Variants in TTC27 observed in about 807,000 individuals in gnomAD.
The protein encoded by TTC27 is tetratricopeptide repeat domain 27, also known as tetratricopeptide repeat protein 27.
A neutral mutation model predicts 115.9 loss-of-function variants in TTC27; 79 were observed. That is an observed-to-expected ratio of 0.68 (90% CI 0.57 to 0.82). The LOEUF is 0.82. Among genes scored for constraint, TTC27 ranks in the 40% least tolerant of loss-of-function variants. The pLI is 0.00. For synonymous variants in TTC27, 401 were observed against 356.0 expected (o/e 1.13, Z -1.42); for missense variants, 1,054 against 993.1 (o/e 1.06, Z -0.82).
intron 13 of TTC27, among the ~76,000 whole-genome samples, chr2:32,763,524 TA>T (rs1276263692): frequency 1.3e-5 from 2 of 152,188 alleles, no homozygotes; most frequent in Admixed American, 1.3e-4. Flanking sequence ...TGGAAAGGGT[TA>T]GGGGGAAAAA....
At chr2:32,715,174 T>C (rs1371974158) in intron 10 of TTC27, among the ~76,000 whole-genome samples, 1 of 152,204 alleles carries the variant, frequency 6.6e-6, no homozygotes, top group Admixed American at 6.5e-5. Flanking sequence ...TAGTACTTTC[T>C]AGGTTATCTT....
intron 4 of TTC27, among the ~76,000 whole-genome samples, chr2:32,643,062 C>G (rs1664716498): frequency 1.3e-5 from 2 of 151,642 alleles, no homozygotes; most frequent in Non-Finnish European, 2.9e-5. Flanking sequence ...CTACGCCTCC[C>G]AGGTTCAAGT....
chr2:32,642,590 G>A (rs559843688), intron 4 of TTC27, among the ~76,000 whole-genome samples: 2 of 152,162 alleles, frequency 1.3e-5, no homozygotes, highest in African/African-American at 4.8e-5. Flanking sequence ...AAGGGAAGTG[G>A]TGCCTCTATT....
intron 18 of TTC27, among the ~76,000 whole-genome samples, chr2:32,813,716 C>T (rs937650932): frequency 1.7e-4 from 26 of 152,098 alleles, no homozygotes; most frequent in African/African-American, 5.6e-4. Context: ...AAAGAAGTCA[C>T]AGAACATTCA....
intron 13 of TTC27, among the ~76,000 whole-genome samples, chr2:32,774,183 CTTTTT>C (rs35405720): frequency 7.2e-6 from 1 of 139,804 alleles, no homozygotes; most frequent in Admixed American, 7.2e-5. Flanking sequence ...CTTCCTTTTA[CTTTTT>C]TTTTTTTTTT....
chr2:32,817,091 CA>C (rs2148052781), intron 18 of TTC27, among the ~76,000 whole-genome samples: 1 of 151,982 alleles, frequency 6.6e-6, no homozygotes, highest in African/African-American at 2.4e-5. Context: ...AGTAAATTAC[CA>C]TTCTTAAAGA....
chr2:32,786,878 G>A (rs1481473474), intron 15 of TTC27, 106 bp from the exon 16 acceptor site: 18 of 990,766 alleles, frequency 1.8e-5, no homozygotes, highest in South Asian at 4.1e-5. Context: ...TTATATGAAC[G>A]AATAAGGACG....
chr2:32,815,222 G>GTTTTTT (rs1389358934), intron 18 of TTC27, among the ~76,000 whole-genome samples: 4 of 65,594 alleles, frequency 6.1e-5, no homozygotes, highest in East Asian at 6.0e-4. Context: ...TGCTGCTTCA[G>GTTTTTT]ATTTTTTTTT....
At chr2:32,671,933 G>A (rs889709217) in intron 7 of TTC27, among the ~76,000 whole-genome samples, 1 of 152,156 alleles carries the variant, frequency 6.6e-6, no homozygotes, top group African/African-American at 2.4e-5. Context: ...CAGTAAATAA[G>A]GATAGAAATG....
At chr2:32,754,052 G>A (rs1358672441) in intron 12 of TTC27, among the ~76,000 whole-genome samples, 1 of 150,808 alleles carries the variant, frequency 6.6e-6, no homozygotes, top group Non-Finnish European at 1.5e-5. Context: ...CAGCCTGGGC[G>A]ACAGAAGCAA....
intron 18 of TTC27, among the ~76,000 whole-genome samples, chr2:32,816,091 T>C (rs1159157462): frequency 6.6e-6 from 1 of 152,120 alleles, no homozygotes; most frequent in Admixed American, 6.5e-5. Context: ...GTGGATCACT[T>C]GAGCCCAGGA....
At position 32,699,274 on chromosome 2, in the gene TTC27, T is replaced by C. The variant is rs77990642; in HGVS notation, c.1120-3533T>C. On this transcript the variant is annotated intron_variant, in intron 9 of 19. Coordinates refer to ENST00000317907, the MANE Select transcript of TTC27 (RefSeq NM_017735.5). Reference sequence around the variant, plus strand: ...TGGTTGAGAAGGCTCCCTCACAAAGTGGCATTAAGGCCAAGACCTAAATGA... The same window carrying C: ...TGGTTGAGAAGGCTCCCTCACAAAGCGGCATTAAGGCCAAGACCTAAATGA... 2.8e-3 allele frequency among the ~76,000 whole-genome samples: 434 copies of C among 152,308 alleles called. 6 individuals are homozygous for C. The highest frequency in any genetic ancestry group is 9.8e-3 in the African/African-American group (409 of 41,576).
chr2:32,779,765 G>A (rs552911537), intron 14 of TTC27, among the ~76,000 whole-genome samples: 1 of 152,192 alleles, frequency 6.6e-6, no homozygotes, highest in South Asian at 2.1e-4. Flanking sequence ...TCTGCTAGGA[G>A]TTTTATAGTT....
At chr2:32,672,186 C>T (rs1422537301) in intron 7 of TTC27, 86 bp from the exon 8 acceptor site, 7 of 920,102 alleles carry the variant, frequency 7.6e-6, no homozygotes, top group East Asian at 2.5e-5. Context: ...TTAACTTTAT[C>T]CTTTCTAGCA....
At chr2:32,754,126 TAAAAC>T (rs1669118513) in intron 12 of TTC27, among the ~76,000 whole-genome samples, 2 of 150,296 alleles carry the variant, frequency 1.3e-5, no homozygotes, top group African/African-American at 4.9e-5. Context: ...AAAGAACTAA[TAAAAC>T]AATTCATTCT....
chr2:32,743,756 T>A (rs13024391), intron 12 of TTC27, among the ~76,000 whole-genome samples: 16,640 of 152,144 alleles, frequency 0.11, 1,038 homozygotes, highest in Middle Eastern at 0.21. Flanking sequence ...GCATGTGAAA[T>A]TCAGATTCTG....
Position 32,671,739 on chromosome 2 carries a change from G to C in TTC27, c.940-533G>C, listed in dbSNP as rs542432370. Among the ~76,000 whole-genome samples the C allele has an allele frequency of 1.9e-4, 29 of 152,198 alleles. 1 individual carries two copies. The highest frequency in any genetic ancestry group is 3.1e-4 in the Non-Finnish European group (21 of 68,002). ...TTGGCATTTCCATCATTGATAACAAGCTATTTGTGAGAAATTTCTCAACTG... is the reference window on the plus strand; with the variant it reads ...TTGGCATTTCCATCATTGATAACAACCTATTTGTGAGAAATTTCTCAACTG... On this transcript the variant is annotated intron_variant, in intron 7 of 19. Coordinates refer to ENST00000317907, the MANE Select transcript of TTC27 (RefSeq NM_017735.5).
intron 7 of TTC27, among the ~76,000 whole-genome samples, chr2:32,667,748 A>G (rs1176753696): frequency 6.8e-6 from 1 of 147,600 alleles, no homozygotes; most frequent in Non-Finnish European, 1.5e-5. Flanking sequence ...GAGTTGTTCT[A>G]TAGAAAAGTA....
chr2:32,637,339 T>C (rs1189028447), intron 3 of TTC27, among the ~76,000 whole-genome samples: 1 of 148,938 alleles, frequency 6.7e-6, no homozygotes, highest in Non-Finnish European at 1.5e-5. Context: ...TTTTTCTTTC[T>C]TTTTTTTTTT....
Sources: allele counts gnomAD v4.1 joint callset (sites outside exome capture counted in the v4.1 genomes callset), GRCh38; gene constraint gnomAD v4.1.1; transcripts MANE v1.5; gene names NCBI Gene and HGNC (gene_info 2026-07-23, HGNC 2026-07-21).